The following STAM variants were observed in gnomAD, a reference collection of about 807,000 sequenced individuals.
STAM encodes the protein signal transducing adapter molecule 1.
STAM carries 16 observed loss-of-function variants against 63.4 expected under a neutral mutation model. The observed-to-expected ratio is 0.25, with a 90% CI of 0.17 to 0.38. The LOEUF is 0.38. Among genes scored for constraint, STAM ranks in the 10% least tolerant of loss-of-function variants. The pLI, the probability that STAM is intolerant of heterozygous loss-of-function variation, is 1.00. For synonymous variants in STAM, 238 were observed against 223.9 expected (o/e 1.06, Z -0.56); for missense variants, 636 against 657.1 (o/e 0.97, Z 0.35).
chr10:17,687,053 G>A (rs1401154429), intron 4 of STAM, among the ~76,000 whole-genome samples: 1 of 152,078 alleles, frequency 6.6e-6, no homozygotes, highest in East Asian at 1.9e-4. Context: ...CCCTTAATAA[G>A]CAATGAGTAA....
intron 1 of STAM, among the ~76,000 whole-genome samples, chr10:17,649,769 T>C (rs1833663149): frequency 6.6e-6 from 1 of 152,200 alleles, no homozygotes; most frequent in Non-Finnish European, 1.5e-5. Context: ...CATTTTTGTT[T>C]GTTTTTAAAT....
At chr10:17,700,300 T>C (rs1554828208) in intron 9 of STAM, 21 bp downstream of exon 9, 2 of 1,554,808 alleles carry the variant, frequency 1.3e-6, no homozygotes, top group Non-Finnish European at 1.8e-6. Flanking sequence ...TCCATGGTGA[T>C]AGGAGTTGGT....
chr10:17,679,564 G>A (rs1345203441), intron 2 of STAM, among the ~76,000 whole-genome samples: 1 of 148,028 alleles, frequency 6.8e-6, no homozygotes, highest in African/African-American at 2.5e-5. Context: ...TAATTTTGAT[G>A]TTTAATTTGC....
chr10:17,710,741 T>G (rs1431030742), intron 13 of STAM, among the ~76,000 whole-genome samples: 1 of 152,184 alleles, frequency 6.6e-6, no homozygotes, highest in African/African-American at 2.4e-5. Flanking sequence ...TAGCACACAG[T>G]TTTACACTGG....
At chr10:17,696,029 C>G (rs1289707753) in intron 7 of STAM, 1 of 152,092 alleles carries the variant, frequency 6.6e-6, no homozygotes, top group African/African-American at 2.4e-5. Flanking sequence ...TCTGGGGTCT[C>G]TTTTATAAGG....
rs528159797 is a variant in STAM, at chr10:17,670,056, C to T, written c.125+9508C>T. Reference sequence around the variant, plus strand: ...GGAATTTCCCTTCTTAAAGGGTAGACGGGATTATAGCATCTGTGTATCTGG... The same window carrying T: ...GGAATTTCCCTTCTTAAAGGGTAGATGGGATTATAGCATCTGTGTATCTGG... On this transcript the variant is annotated intron_variant, in intron 2 of 13. Transcript: ENST00000377524. Among the ~76,000 whole-genome samples the T allele has an allele frequency of 4.6e-5, 7 of 151,854 alleles. No individual in the cohort carries two copies. The South Asian group carries it at 6.2e-4, about 14-fold the overall frequency.
At chr10:17,658,378 A>G (rs1013974237) in intron 1 of STAM, among the ~76,000 whole-genome samples, 1 of 152,058 alleles carries the variant, frequency 6.6e-6, no homozygotes, top group Non-Finnish European at 1.5e-5. Flanking sequence ...TGAATGCTGC[A>G]TGAGAGCTTG....
chr10:17,671,714 A>G (rs1030223129), intron 2 of STAM, among the ~76,000 whole-genome samples: 3 of 152,116 alleles, frequency 2.0e-5, no homozygotes, highest in Admixed American at 2.0e-4. Context: ...ATGCAAACAT[A>G]TTTGTTAACC....
rs551071090 is a variant in STAM at position 17,653,284 on chromosome 10, C to T, written c.41-7180C>T. On this transcript the variant is annotated intron_variant, in intron 1 of 13. Transcript: ENST00000377524. The stretch of plus-strand genomic sequence containing the variant: ...ACCTACACTGAAAAACCGAATATTC[C>T]GCGATAAAAACTGGAAACAAGCTAT... Among the ~76,000 whole-genome samples the T allele has an allele frequency of 2.4e-3, 360 of 152,238 alleles. 2 individuals carry two copies. The highest frequency in any genetic ancestry group is 8.4e-3 in the African/African-American group (347 of 41,518).
intron 6 of STAM, among the ~76,000 whole-genome samples, chr10:17,694,217 G>A (rs1256089045): frequency 6.6e-6 from 1 of 152,092 alleles, no homozygotes; most frequent in Admixed American, 6.5e-5. Flanking sequence ...TGATAATGGT[G>A]TATTTTATCA....
intron 1 of STAM, among the ~76,000 whole-genome samples, chr10:17,649,222 A>G (rs1833641560): frequency 6.6e-6 from 1 of 152,124 alleles, no homozygotes; most frequent in Admixed American, 6.5e-5. Context: ...TGGGCAACAT[A>G]ATGAGACCCT....
intron 13 of STAM, among the ~76,000 whole-genome samples, chr10:17,711,301 A>G (rs1380017989): frequency 6.6e-6 from 1 of 152,172 alleles, no homozygotes; most frequent in Admixed American, 6.5e-5. Flanking sequence ...TAGCGATGGT[A>G]GTATTATAAG....
chr10:17,684,791 C>A, intron 3 of STAM, 41 bp downstream of exon 3: 1 of 1,612,962 alleles, frequency 6.2e-7, no homozygotes, highest in Non-Finnish European at 8.5e-7. Context: ...AAATTACCTG[C>A]CACAATTGAG....
intron 1 of STAM, among the ~76,000 whole-genome samples, chr10:17,650,593 G>A (rs1249074600): frequency 2.0e-5 from 3 of 152,152 alleles, no homozygotes; most frequent in East Asian, 3.9e-4. Context: ...CCCTGTGCCA[G>A]ATACCCTGGT....
chr10:17,663,044 G>A (rs1554823065), intron 2 of STAM, among the ~76,000 whole-genome samples: 1 of 151,928 alleles, frequency 6.6e-6, no homozygotes, highest in African/African-American at 2.4e-5. Flanking sequence ...TAATAATTGG[G>A]TCAATTGCTT....
intron 1 of STAM, among the ~76,000 whole-genome samples, chr10:17,655,380 A>G (rs537469383): frequency 1.8e-4 from 28 of 152,294 alleles, no homozygotes; most frequent in South Asian, 1.2e-3. Context: ...TGCTTTTGCT[A>G]TCTTCTATGT....
chr10:17,712,485 T>C (rs1336436147), intron 13 of STAM, among the ~76,000 whole-genome samples: 2 of 152,158 alleles, frequency 1.3e-5, no homozygotes, highest in Non-Finnish European at 2.9e-5. Flanking sequence ...TAAATTACCG[T>C]CTCTTATAAT....
intron 3 of STAM, 40 bp downstream of exon 3, chr10:17,684,790 G>T: frequency 6.2e-7 from 1 of 1,613,450 alleles, no homozygotes; most frequent in South Asian, 1.1e-5. Flanking sequence ...GAAATTACCT[G>T]CCACAATTGA....
At chr10:17,667,775 G>T (rs1312551380) in intron 2 of STAM, among the ~76,000 whole-genome samples, 4 of 152,242 alleles carry the variant, frequency 2.6e-5, no homozygotes, top group African/African-American at 9.6e-5. Context: ...ATGTTGAAAA[G>T]AGACAGAGTT....
Sources: allele counts gnomAD v4.1 joint callset (sites outside exome capture counted in the v4.1 genomes callset), GRCh38; gene constraint gnomAD v4.1.1; transcripts MANE v1.5; gene names NCBI Gene and HGNC (gene_info 2026-07-23, HGNC 2026-07-21).